EPB41L5: variants seen among roughly 807,000 people sequenced by gnomAD.
The protein encoded by EPB41L5 is band 4.1-like protein 5.
In EPB41L5, 55 loss-of-function variants were observed where a neutral mutation model predicts 106.6. The ratio of observed to expected loss-of-function variants is 0.52; its 90% CI spans 0.42 to 0.65. EPB41L5 has a LOEUF of 0.65. Ranked by LOEUF, EPB41L5 falls within the 30% of genes least tolerant of loss-of-function variation. The probability of loss-of-function intolerance (pLI) is 0.00; values close to 1 mark genes in which losing one functional copy is unlikely to be tolerated. For missense variants in EPB41L5, 871 were observed against 882.1 expected, an observed-to-expected ratio of 0.99 and a Z score of 0.16; for synonymous variants, 297 against 306.7, an observed-to-expected ratio of 0.97 and a Z score of 0.33.
At chr2:120,040,739 G>A (rs1306383651) in intron 2 of EPB41L5, among the ~76,000 whole-genome samples, 1 of 152,148 alleles carries the variant, frequency 6.6e-6, no homozygotes, top group African/African-American at 2.4e-5. Flanking sequence ...ATGGGAATTG[G>A]GTGGAGGGGA....
At chr2:120,163,585 T>A (rs1345624143) in intron 21 of EPB41L5, among the ~76,000 whole-genome samples, 2 of 124,178 alleles carry the variant, frequency 1.6e-5, no homozygotes, top group East Asian at 4.8e-4. Flanking sequence ...GCTGAACCTG[T>A]TACTGGTTTT....
intron 1 of EPB41L5, among the ~76,000 whole-genome samples, chr2:120,016,199 G>A (rs985509580): frequency 6.6e-5 from 10 of 152,274 alleles, no homozygotes; most frequent in African/African-American, 2.4e-4. Flanking sequence ...GGAGGCCGAG[G>A]CGGGCGGATC....
At chr2:120,172,569 T>C (rs1687723654) in intron 24 of EPB41L5, among the ~76,000 whole-genome samples, 1 of 152,208 alleles carries the variant, frequency 6.6e-6, no homozygotes, top group Non-Finnish European at 1.5e-5. Flanking sequence ...GAGATTAGAA[T>C]ACATTTTTAG....
chr2:120,047,268 C>T (rs551833494), intron 3 of EPB41L5, among the ~76,000 whole-genome samples: 8 of 152,278 alleles, frequency 5.3e-5, no homozygotes, highest in Admixed American at 2.6e-4. Context: ...GCTATTTTCA[C>T]GATATTGATT....
At chr2:120,013,261 AGCCGAGTGGACCCTTCCTCGCCCGC>A (rs1677254513) in intron 1 of EPB41L5, 51 bp downstream of exon 1, 1 of 151,718 alleles carries the variant, frequency 6.6e-6, no homozygotes, top group South Asian at 2.1e-4. Flanking sequence ...CTGCGCTCCT[AGCCGAGTGGACCCTTCCTCGCCCGC>A]GCCTGCGGTA....
intron 20 of EPB41L5, 54 bp from the exon 21 acceptor site, chr2:120,160,827 C>T (rs1687108983): frequency 2.3e-6 from 3 of 1,303,870 alleles, no homozygotes; most frequent in Admixed American, 1.9e-5. Context: ...TTTGAAAATC[C>T]TGCCTGTACC....
intron 20 of EPB41L5, among the ~76,000 whole-genome samples, chr2:120,159,518 A>G (rs947065726): frequency 2.0e-5 from 3 of 152,100 alleles, no homozygotes; most frequent in Non-Finnish European, 2.9e-5. Context: ...CTGTTAAACT[A>G]CTGATAACAT....
intron 2 of EPB41L5, among the ~76,000 whole-genome samples, chr2:120,022,703 T>G (rs957143014): frequency 6.6e-6 from 1 of 152,210 alleles, no homozygotes; most frequent in Non-Finnish European, 1.5e-5. Flanking sequence ...TACCCAGTAA[T>G]GGAATTGCTG....
At position 120,167,880 on chromosome 2, in the gene EPB41L5, A is replaced by C. The variant is rs771132735; in HGVS notation, c.2008A>C (p.Ser670Arg). The C allele has an allele frequency of 4.3e-6, 7 of 1,614,088 alleles. No homozygotes were observed. The East Asian group carries it at 1.6e-4, about 36-fold the overall frequency. Residue 670 changes from serine (S) to arginine (R), a missense_variant, in exon 24 of 25, where the codon AGT (serine) becomes CGT (arginine). Ser to Arg is a moderately radical substitution (Grantham distance 110). Coordinates refer to ENST00000263713, the MANE Select transcript of EPB41L5 (RefSeq NM_020909.4). The stretch of plus-strand genomic sequence containing the variant: ...GTTGTGTGTGTATCTCCCACAGCAG[A>C]GTGGTGCCATGTCTAATGGACTTGC... ...MITPRWIVPQ[S>R]GAMSNGLAGC...
At chr2:120,058,301 T>G (rs1396235405) in intron 3 of EPB41L5, among the ~76,000 whole-genome samples, 1 of 152,164 alleles carries the variant, frequency 6.6e-6, no homozygotes, top group African/African-American at 2.4e-5. Context: ...TCCACCCACC[T>G]CAGCCTCCCA....
intron 3 of EPB41L5, among the ~76,000 whole-genome samples, chr2:120,047,253 G>A (rs1021799391): frequency 6.6e-6 from 1 of 152,200 alleles, no homozygotes; most frequent in African/African-American, 2.4e-5. Context: ...GCCTTGGGCA[G>A]TATGGCTATT....
intron 3 of EPB41L5, among the ~76,000 whole-genome samples, chr2:120,059,927 GCAAA>G (rs1680918202): frequency 2.0e-5 from 3 of 152,008 alleles, no homozygotes; most frequent in Non-Finnish European, 2.9e-5. Context: ...CAATTAGAAA[GCAAA>G]CAGTCTAATT....
At chr2:120,024,311 G>A (rs899558475) in intron 2 of EPB41L5, among the ~76,000 whole-genome samples, 1 of 152,060 alleles carries the variant, frequency 6.6e-6, no homozygotes, top group African/African-American at 2.4e-5. Flanking sequence ...ATTGGCTGTG[G>A]GTTTGTCATA....
intron 17 of EPB41L5, among the ~76,000 whole-genome samples, chr2:120,128,472 A>G (rs544121789): frequency 4.0e-4 from 61 of 152,304 alleles, no homozygotes; most frequent in African/African-American, 1.3e-3. Context: ...TTTGATTTCT[A>G]TTGGAGGCTA....
At chr2:120,021,807 G>C (rs1242552564) in intron 2 of EPB41L5, among the ~76,000 whole-genome samples, 1 of 152,186 alleles carries the variant, frequency 6.6e-6, no homozygotes. Flanking sequence ...AAGAAGAAAT[G>C]ATTTCCCCTT....
intron 10 of EPB41L5, among the ~76,000 whole-genome samples, chr2:120,086,110 A>C (rs1173033244): frequency 3.3e-5 from 5 of 152,158 alleles, no homozygotes; most frequent in African/African-American, 1.2e-4. Context: ...CTGAGGCAGG[A>C]GAATTGCTTG....
intron 2 of EPB41L5, 44 bp from the exon 3 acceptor site, chr2:120,041,962 C>T (rs1473238227): frequency 1.4e-6 from 2 of 1,450,176 alleles, no homozygotes; most frequent in African/African-American, 1.4e-5. Context: ...GCTTGTTGAT[C>T]TTATAAACCA....
Position 120,160,921 on chromosome 2 carries a change from TCTCTTGAGA to T in EPB41L5, c.1839_1847del (p.Glu614_Leu616del). 1 of 1,613,810 alleles carries T rather than the reference TCTCTTGAGA, an allele frequency of 6.2e-7. No individual in the cohort carries two copies. Among genetic ancestry groups the T allele is most frequent in the Non-Finnish European group, 8.5e-7 (1 of 1,179,822 alleles). On this transcript the variant is annotated inframe_deletion, in exon 21 of 25. Coordinates refer to ENST00000263713, the MANE Select transcript of EPB41L5 (RefSeq NM_020909.4). ...GAATAATGTGCCCCTCCCCAAAGAG[TCTCTTGAGA>T]CTCTGATGCTTATCACACCTGCCGA...
rs1264923533 is a variant in EPB41L5 at position 120,177,497 on chromosome 2, G to A, written c.*2590G>A. The A allele has an allele frequency of 6.6e-6, 1 of 152,160 alleles. No individual in the cohort carries two copies. Among genetic ancestry groups the A allele is most frequent in the Non-Finnish European group, 1.5e-5 (1 of 68,030 alleles). The allele number at this position is 152,160 out of a possible 1,614,324, so 9.4% of individuals were successfully genotyped here. On this transcript the variant is annotated 3_prime_UTR_variant, in exon 25 of 25. Transcript: ENST00000263713. ...TTCATAGCCCTGATAGGGGAAGTGG[G>A]AGTTGACAGGATGGTTTAAAATAAG...
Sources: gnomAD v4.1 joint callset for allele counts (sites outside exome capture counted in the v4.1 genomes callset) on GRCh38, gnomAD v4.1.1 for gene constraint, MANE v1.5 for transcripts, NCBI Gene and HGNC (gene_info 2026-07-23, HGNC 2026-07-21) for gene names.